Variants in FMN1 observed in about 807,000 individuals in gnomAD.
The protein encoded by FMN1 is formin 1, also known as formin-1.
FMN1 carries 110 observed loss-of-function variants against 132.4 expected under a neutral mutation model. That is an observed-to-expected ratio of 0.83 (90% CI 0.71 to 0.97). FMN1 has a LOEUF of 0.97. FMN1 is among the 50% of genes least tolerant of loss of function. The probability of loss-of-function intolerance (pLI) is 0.00; values close to 1 mark genes in which losing one functional copy is unlikely to be tolerated. For synonymous variants in FMN1, 722 were observed against 651.7 expected, an observed-to-expected ratio of 1.11 and a Z score of -1.64; for missense variants, 1,792 against 1,705.3, an observed-to-expected ratio of 1.05 and a Z score of -0.90.
Position 33,153,453 on chromosome 15 carries a change from C to T in FMN1, c.1462G>A (p.Asp488Asn). 3 of 1,536,762 alleles carry T rather than the reference C, an allele frequency of 2.0e-6. No individual in the cohort carries two copies. The highest frequency in any genetic ancestry group is 1.2e-5 in the South Asian group (1 of 84,068). The change falls in exon 4 of 21, where the codon GAT becomes AAT. Residue 488 changes from aspartate to asparagine, a missense_variant. Asp to Asn is a conservative substitution (Grantham distance 23, BLOSUM62 1). This residue lies in a region of FMN1 where 638 missense variants were observed against 645.2 expected (regional missense o/e 0.99). Transcript: ENST00000616417. ...VGPDSSQPRG[D>N]KKKPSPPAPA... ...GCTGGTGGGGATGGCTTCTTCTTAT[C>T]ACCTCTGGGTTGTGAGGAGTCAGGA... is the stretch of plus-strand genomic sequence containing the variant.
At chr15:33,054,812 T>C (rs1408558402) in intron 6 of FMN1, among the ~76,000 whole-genome samples, 1 of 152,216 alleles carries the variant, frequency 6.6e-6, no homozygotes, top group African/African-American at 2.4e-5. Flanking sequence ...TAAAACTCTA[T>C]ATTGCCTAAT....
chr15:32,891,958 G>A (rs189747784), intron 15 of FMN1, among the ~76,000 whole-genome samples: 1 of 152,248 alleles, frequency 6.6e-6, no homozygotes, highest in African/African-American at 2.4e-5. Context: ...CTTTCTGGAG[G>A]AGTCTTTAGG....
chr15:32,886,727 G>A (rs907701681), intron 16 of FMN1, among the ~76,000 whole-genome samples: 4 of 152,158 alleles, frequency 2.6e-5, no homozygotes, highest in African/African-American at 9.7e-5. Context: ...AGGAACAGCC[G>A]TGGAGCAAAC....
chr15:32,794,458 G>C (rs1240764335), intron 19 of FMN1, among the ~76,000 whole-genome samples: 2 of 152,186 alleles, frequency 1.3e-5, no homozygotes, highest in Middle Eastern at 3.4e-3. Flanking sequence ...TTTTGTGGGA[G>C]GCAGTGCTTC....
At position 32,898,950 on chromosome 15, in the gene FMN1, A is replaced by T. The variant is rs1002935723; in HGVS notation, c.3655-57T>A. On this transcript the variant is annotated intron_variant, in intron 14 of 20. Transcript: ENST00000616417. ...CATTCCCATGAGACTGTCATGTTAC[A>T]CGGTTGAGAGGTGAAATCTCAGTTG... 7.5e-6 allele frequency: 9 copies of T among 1,196,314 alleles called. No homozygotes were observed. In the Admixed American group the frequency reaches 8.9e-5, roughly 12 times the overall value. 74.1% of individuals were successfully genotyped at this position (1,196,314 alleles called of 1,614,324 possible).
intron 6 of FMN1, among the ~76,000 whole-genome samples, chr15:33,011,630 C>CA (rs2034729358): frequency 6.6e-6 from 1 of 151,952 alleles, no homozygotes; most frequent in South Asian, 2.1e-4. Flanking sequence ...CATAGAGAAA[C>CA]AGATTGACAA....
chr15:32,884,002 A>T (rs2059835133), intron 16 of FMN1, among the ~76,000 whole-genome samples: 1 of 152,132 alleles, frequency 6.6e-6, no homozygotes, highest in African/African-American at 2.4e-5. Flanking sequence ...TATTTGACGA[A>T]TCCTACATCT....
chr15:32,784,613 C>G (rs909425693), intron 19 of FMN1, among the ~76,000 whole-genome samples: 1 of 152,156 alleles, frequency 6.6e-6, no homozygotes, highest in Non-Finnish European at 1.5e-5. Flanking sequence ...AGTAAAACAT[C>G]AAATCTACAA....
At chr15:33,025,948 G>A (rs1191577489) in intron 6 of FMN1, among the ~76,000 whole-genome samples, 2 of 152,152 alleles carry the variant, frequency 1.3e-5, no homozygotes, top group Non-Finnish European at 2.9e-5. Context: ...AACTAGAGGC[G>A]TGAGATAATG....
chr15:32,868,089 T>G (rs775195793), intron 16 of FMN1, among the ~76,000 whole-genome samples: 1 of 152,240 alleles, frequency 6.6e-6, no homozygotes, highest in Admixed American at 6.5e-5. Context: ...TGTACACTCA[T>G]GTACCTCAGA....
chr15:33,125,516 A>C (rs1194894012), intron 4 of FMN1, among the ~76,000 whole-genome samples: 2 of 152,108 alleles, frequency 1.3e-5, no homozygotes, highest in African/African-American at 4.8e-5. Flanking sequence ...AACCCTTCTC[A>C]AATTTGGATA....
chr15:32,816,895 T>C (rs1385946114), intron 17 of FMN1, among the ~76,000 whole-genome samples: 1 of 152,216 alleles, frequency 6.6e-6, no homozygotes, highest in Non-Finnish European at 1.5e-5. Context: ...TTACAAATTG[T>C]TCAGAAGGAC....
At chr15:32,848,349 T>TGTGTGCGC (rs1555471744) in intron 17 of FMN1, among the ~76,000 whole-genome samples, 1 of 151,574 alleles carries the variant, frequency 6.6e-6, no homozygotes, top group African/African-American at 2.4e-5. Context: ...TGTGTGTGCG[T>TGTGTGCGC]GCACACGTGT....
intron 16 of FMN1, among the ~76,000 whole-genome samples, chr15:32,874,017 GTT>G (rs962842419): frequency 1.7e-4 from 19 of 115,062 alleles, no homozygotes; most frequent in Admixed American, 1.9e-4. Flanking sequence ...TATTTTAGTT[GTT>G]TTTTTTTTTT....
chr15:33,082,032 T>G (rs946914990), intron 5 of FMN1, among the ~76,000 whole-genome samples: 1 of 136,996 alleles, frequency 7.3e-6, no homozygotes, highest in African/African-American at 2.6e-5. Flanking sequence ...TGTGTGTGTG[T>G]GTGTGTGTGT....
chr15:33,077,666 T>G (rs2038273360), intron 5 of FMN1, among the ~76,000 whole-genome samples: 1 of 151,936 alleles, frequency 6.6e-6, no homozygotes, highest in African/African-American at 2.4e-5. Context: ...GTTTCCAGCT[T>G]CATCCATGTC....
At chr15:32,812,047 C>A (rs199753432) in intron 17 of FMN1, among the ~76,000 whole-genome samples, 2 of 130,052 alleles carry the variant, frequency 1.5e-5, no homozygotes, top group African/African-American at 5.7e-5. Flanking sequence ...AACAAACAAA[C>A]AAAACCACGA....
In FMN1 at chr15:33,116,094, G is replaced by A. The variant is rs550430835; in HGVS notation, c.1868-27120C>T. Among the ~76,000 whole-genome samples, 93 of 152,264 alleles carry A rather than the reference G, an allele frequency of 6.1e-4. 2 individuals are homozygous for A. The highest frequency in any genetic ancestry group is 2.1e-3 in the African/African-American group (87 of 41,572). On this transcript the variant is annotated intron_variant, in intron 4 of 20. Coordinates refer to ENST00000616417, the MANE Select transcript of FMN1 (RefSeq NM_001277313.2). The stretch of plus-strand genomic sequence containing the variant: ...GATCCAACTATAAAAAGACATTCCT[G>A]AGTTTTAGCTATGTCCCTGGCATTT...
intron 4 of FMN1, 72 bp from the exon 5 acceptor site, chr15:33,089,046 G>A: frequency 2.3e-6 from 3 of 1,324,980 alleles, no homozygotes; most frequent in East Asian, 2.5e-5. Flanking sequence ...CATATTTGGG[G>A]AACTCCTACA....
Sources: gnomAD v4.1 joint callset for allele counts (sites outside exome capture counted in the v4.1 genomes callset) on GRCh38, gnomAD v4.1.1 for gene constraint, gnomAD v4.1.1 regional missense constraint, MANE v1.5 for transcripts, NCBI Gene and HGNC (gene_info 2026-07-23, HGNC 2026-07-21) for gene names.